The following UBR3 variants were observed in gnomAD, a reference collection of about 807,000 sequenced individuals.
The protein encoded by UBR3 is ubiquitin protein ligase E3 component n-recognin 3, also known as E3 ubiquitin-protein ligase UBR3.
UBR3 carries 85 observed loss-of-function variants against 243.2 expected under a neutral mutation model. The observed-to-expected ratio is 0.35, with a 90% CI of 0.29 to 0.42. The LOEUF is 0.42. Ranked by LOEUF, UBR3 falls within the 10% of genes least tolerant of loss-of-function variation. The pLI, the probability that UBR3 is intolerant of heterozygous loss-of-function variation, is 1.00. For missense variants in UBR3, 1,686 were observed against 2,300.8 expected (o/e 0.73, Z 5.47); for synonymous variants, 748 against 799.8 (o/e 0.94, Z 1.09).
chr2:169,956,759 G>C (rs1219195127), intron 23 of UBR3, among the ~76,000 whole-genome samples: 1 of 152,112 alleles, frequency 6.6e-6, no homozygotes, highest in African/African-American at 2.4e-5. Flanking sequence ...CAAATGTGTG[G>C]ATAATTTAAA....
chr2:169,906,297 C>T, intron 10 of UBR3, 133 bp downstream of exon 10: 1 of 1,054,834 alleles, frequency 9.5e-7, no homozygotes, highest in South Asian at 2.0e-5. Context: ...GAAAACTGAC[C>T]TGAGACAGTA....
At chr2:169,866,455 C>T (rs971338646) in intron 1 of UBR3, among the ~76,000 whole-genome samples, 2 of 151,666 alleles carry the variant, frequency 1.3e-5, no homozygotes, top group Admixed American at 6.6e-5. Flanking sequence ...CCTCCGCCTC[C>T]GGATTCAAGC....
intron 36 of UBR3, among the ~76,000 whole-genome samples, chr2:170,074,116 A>G (rs2091756899): frequency 1.3e-5 from 2 of 152,126 alleles, no homozygotes; most frequent in Admixed American, 6.6e-5. Flanking sequence ...TTCTAGAACT[A>G]CAGTTTTTTA....
intron 11 of UBR3, among the ~76,000 whole-genome samples, chr2:169,921,408 A>G (rs1254874234): frequency 6.6e-6 from 1 of 152,216 alleles, no homozygotes; most frequent in Non-Finnish European, 1.5e-5. Flanking sequence ...CTCAGTATAT[A>G]TAGGAATAGA....
At chr2:169,894,164 A>T (rs1230643612) in intron 6 of UBR3, among the ~76,000 whole-genome samples, 1 of 151,952 alleles carries the variant, frequency 6.6e-6, no homozygotes, top group Non-Finnish European at 1.5e-5. Context: ...TTCAAAAAAT[A>T]AAAAATAAAT....
chr2:169,893,542 A>C (rs1270196740), intron 6 of UBR3, among the ~76,000 whole-genome samples: 1 of 152,192 alleles, frequency 6.6e-6, no homozygotes, highest in African/African-American at 2.4e-5. Context: ...TAGGTACAGC[A>C]GTGTGCTGTG....
intron 36 of UBR3, among the ~76,000 whole-genome samples, chr2:170,075,665 T>G (rs1165603899): frequency 2.0e-5 from 3 of 152,138 alleles, no homozygotes; most frequent in African/African-American, 7.2e-5. Context: ...CCTGCTCCAC[T>G]CTTGTGTTCC....
intron 13 of UBR3, 74 bp from the exon 14 acceptor site, chr2:169,925,545 G>C (rs1332757507): frequency 6.1e-6 from 8 of 1,319,582 alleles, no homozygotes; most frequent in African/African-American, 1.5e-5. Context: ...TAAATATTTT[G>C]AAATGGTTAT....
intron 32 of UBR3, among the ~76,000 whole-genome samples, chr2:170,043,192 T>C (rs932830420): frequency 2.6e-5 from 4 of 152,174 alleles, no homozygotes; most frequent in Admixed American, 2.0e-4. Flanking sequence ...AAACTTGACA[T>C]AGAGAAGATT....
intron 8 of UBR3, among the ~76,000 whole-genome samples, chr2:169,902,540 GT>G (rs66964268): frequency 0.47 from 70,861 of 151,622 alleles, 18,468 homozygotes; most frequent in Non-Finnish European, 0.6. Flanking sequence ...ACCATCACTA[GT>G]TTTATCTGGT....
intron 1 of UBR3, among the ~76,000 whole-genome samples, chr2:169,870,457 A>G (rs1407456710): frequency 6.6e-6 from 1 of 151,820 alleles, no homozygotes; most frequent in Non-Finnish European, 1.5e-5. Flanking sequence ...TTAGCACATT[A>G]CCACAGAATT....
intron 11 of UBR3, among the ~76,000 whole-genome samples, chr2:169,920,469 T>TTAAA (rs2085654421): frequency 6.6e-6 from 1 of 151,948 alleles, no homozygotes; most frequent in South Asian, 2.1e-4. Flanking sequence ...AGTATAATAA[T>TTAAA]AAAGTAAAAG....
intron 24 of UBR3, among the ~76,000 whole-genome samples, chr2:169,973,525 C>T (rs1025015462): frequency 5.5e-4 from 84 of 151,926 alleles, no homozygotes; most frequent in African/African-American, 2.0e-3. Context: ...ATACTAGAAA[C>T]ACTACTGATT....
At chr2:169,840,945 G>A (rs1216531530) in intron 1 of UBR3, among the ~76,000 whole-genome samples, 1 of 152,100 alleles carries the variant, frequency 6.6e-6, no homozygotes, top group African/African-American at 2.4e-5. Context: ...AAGCCCTGAG[G>A]CTCCACAGGT....
chr2:169,956,807 T>C (rs1028078929), intron 23 of UBR3, among the ~76,000 whole-genome samples: 3 of 152,224 alleles, frequency 2.0e-5, no homozygotes, highest in Admixed American at 6.5e-5. Context: ...TTGTATGTTA[T>C]ATCCTTGAAT....
chr2:169,882,451 G>C (rs1385153650), intron 5 of UBR3, among the ~76,000 whole-genome samples: 1 of 148,536 alleles, frequency 6.7e-6, no homozygotes, highest in Non-Finnish European at 1.5e-5. Flanking sequence ...TCTTGAGTTA[G>C]AAAAGTCAGC....
chr2:170,061,274 T>A (rs764788890), intron 34 of UBR3, 44 bp from the exon 35 acceptor site: 2 of 1,594,300 alleles, frequency 1.3e-6, no homozygotes, highest in East Asian at 4.5e-5. Flanking sequence ...TTAAAAACTC[T>A]TTATTGTAGA....
intron 31 of UBR3, among the ~76,000 whole-genome samples, chr2:170,039,908 A>C (rs1229879228): frequency 6.6e-6 from 1 of 151,932 alleles, no homozygotes; most frequent in Non-Finnish European, 1.5e-5. Context: ...TTTAAAATTT[A>C]TTTTTTGTAG....
intron 17 of UBR3, 31 bp from the exon 18 acceptor site, chr2:169,928,696 A>G: frequency 7.0e-7 from 1 of 1,430,442 alleles, no homozygotes; most frequent in Admixed American, 2.3e-5. Flanking sequence ...GCTTTTTGTT[A>G]CTAATATTTT....
Sources: gnomAD v4.1 joint callset for allele counts (sites outside exome capture counted in the v4.1 genomes callset) on GRCh38, gnomAD v4.1.1 for gene constraint, MANE v1.5 for transcripts, NCBI Gene and HGNC (gene_info 2026-07-23, HGNC 2026-07-21) for gene names.